MCC: variants seen among roughly 807,000 people sequenced by gnomAD.
MCC encodes MCC regulator of Wnt signaling pathway.
Under a neutral mutation model 116.2 loss-of-function variants are expected in MCC, and 90 were observed. The observed-to-expected ratio is 0.77, with a 90% CI of 0.65 to 0.92. The LOEUF is 0.92. MCC is among the 40% of genes least tolerant of loss of function. MCC has a pLI of 0.00. For missense variants in MCC, 1,516 were observed against 1,312.2 expected (o/e 1.16, Z -2.40); for synonymous variants, 578 against 510.5 (o/e 1.13, Z -1.78).
chr5:113,344,342 T>C (rs918899540), intron 2 of MCC, among the ~76,000 whole-genome samples: 3 of 152,094 alleles, frequency 2.0e-5, no homozygotes, highest in African/African-American at 7.2e-5. Flanking sequence ...CTAGGTAAAC[T>C]TGAAAGGCAG....
chr5:113,478,722 G>A (rs529378120), intron 1 of MCC, among the ~76,000 whole-genome samples: 1 of 152,260 alleles, frequency 6.6e-6, no homozygotes, highest in African/African-American at 2.4e-5. Context: ...GGAAGCTCTG[G>A]GCTTTAAGGG....
chr5:113,409,364 T>G (rs1769917790), intron 1 of MCC, among the ~76,000 whole-genome samples: 1 of 152,284 alleles, frequency 6.6e-6, no homozygotes, highest in African/African-American at 2.4e-5. Context: ...AAATACTTTT[T>G]TTTTTTAGAC....
At position 113,123,447 on chromosome 5, in the gene MCC, C is replaced by A. The variant is rs1312983838; in HGVS notation, c.885-621G>T. Among the ~76,000 whole-genome samples the A allele has an allele frequency of 2.0e-5, 3 of 152,210 alleles. No homozygotes were observed. In the East Asian group the frequency reaches 5.8e-4, roughly 29 times the overall value. Reference sequence around the variant, plus strand: ...GATGCAATGAGGAGAAAACAGAACACTGAATGAGAGAACACCATTCAATGG... The same window carrying A: ...GATGCAATGAGGAGAAAACAGAACAATGAATGAGAGAACACCATTCAATGG... On this transcript the variant is annotated intron_variant, in intron 5 of 18. Coordinates refer to ENST00000408903, the MANE Select transcript of MCC (RefSeq NM_001085377.2).
intron 1 of MCC, among the ~76,000 whole-genome samples, chr5:113,487,514 CG>C (rs1396868302): frequency 1.3e-5 from 2 of 152,228 alleles, no homozygotes; most frequent in Non-Finnish European, 2.9e-5. Context: ...GTAGGAAGTG[CG>C]GGGGATCCGA....
At chr5:113,289,729 T>A (rs1047379837) in intron 3 of MCC, among the ~76,000 whole-genome samples, 13 of 152,336 alleles carry the variant, frequency 8.5e-5, no homozygotes, top group Admixed American at 5.9e-4. Context: ...TGGAAGTAGA[T>A]CCTCTTGCTC....
chr5:113,200,093 G>A (rs1175377345), intron 3 of MCC, among the ~76,000 whole-genome samples: 1 of 152,162 alleles, frequency 6.6e-6, no homozygotes, highest in Admixed American at 6.5e-5. Flanking sequence ...GACAAGGTAA[G>A]TTTTAATGTG....
chr5:113,413,200 G>A lies in MCC; in HGVS notation c.171-27988C>T, dbSNP rs555461172. On this transcript the variant is annotated intron_variant, in intron 1 of 18. Coordinates refer to ENST00000408903, the MANE Select transcript of MCC (RefSeq NM_001085377.2). Reference sequence around the variant, plus strand: ...GTATTTTATTGAGGATTTTTGCATCGATGTTCATCAAGGATATTGGTCTAA... The same window carrying A: ...GTATTTTATTGAGGATTTTTGCATCAATGTTCATCAAGGATATTGGTCTAA... 7.3e-3 allele frequency among the ~76,000 whole-genome samples: 1,102 copies of A among 151,934 alleles called. 9 individuals carry two copies. Among genetic ancestry groups the A allele is most frequent in the African/African-American group, 0.023 (967 of 41,468 alleles).
intron 3 of MCC, among the ~76,000 whole-genome samples, chr5:113,322,275 G>A (rs2150371612): frequency 6.6e-6 from 1 of 152,282 alleles, no homozygotes; most frequent in African/African-American, 2.4e-5. Flanking sequence ...AAGTAAATAT[G>A]TAACCATTGC....
At position 113,488,378 on chromosome 5, in the gene MCC, A is replaced by G. The variant is rs766344076; in HGVS notation, c.37T>C (p.Ser13Pro). 1.4e-6 allele frequency: 2 copies of G among 1,432,548 alleles called. No homozygotes were observed. Among genetic ancestry groups the G allele is most frequent in the East Asian group, 3.0e-5 (1 of 32,814 alleles). 88.7% of individuals were successfully genotyped at this position (1,432,548 alleles called of 1,614,324 possible). A position where few individuals can be genotyped will look rare whatever the true frequency, so the allele number is the denominator to read the frequency against. The change falls in exon 1 of 19, where the codon TCC (serine) becomes CCC (proline). Residue 13 changes from serine (S) to proline (P), a missense_variant. Transcript: ENST00000408903. ...AAAAAAAAGS[S>P]SSGGGGGGSG... ...CCGCCGCCGCCGCCGCCGCTGCTGG[A>G]GCTCCCCGCAGCCGCTGCCGCCGCG...
At chr5:113,059,118 G>A (rs1482088952) in intron 14 of MCC, among the ~76,000 whole-genome samples, 1 of 147,076 alleles carries the variant, frequency 6.8e-6, no homozygotes, top group African/African-American at 2.5e-5. Context: ...ACCTTGCTAT[G>A]AGTATAGTTT....
intron 3 of MCC, among the ~76,000 whole-genome samples, chr5:113,166,328 C>T (rs1760764972): frequency 1.3e-5 from 2 of 152,028 alleles, no homozygotes; most frequent in South Asian, 4.2e-4. Context: ...TAAAATTTAC[C>T]CAAACTCTTA....
At chr5:113,265,490 C>A (rs1455329348) in intron 3 of MCC, among the ~76,000 whole-genome samples, 1 of 152,182 alleles carries the variant, frequency 6.6e-6, no homozygotes, top group Non-Finnish European at 1.5e-5. Context: ...ACTCCGCCTT[C>A]TAATAGGTCT....
At position 113,151,973 on chromosome 5, in the gene MCC, G is replaced by C. The variant is rs1210788385; in HGVS notation, c.628-551C>G. Among the ~76,000 whole-genome samples the C allele has an allele frequency of 2.6e-5, 4 of 152,230 alleles. 1 individual carries two copies. Among genetic ancestry groups the C allele is most frequent in the African/African-American group, 9.6e-5 (4 of 41,534 alleles). On this transcript the variant is annotated intron_variant, in intron 3 of 18. Transcript: ENST00000408903. ...GTACAGTTGACCCATTTATTTTCTTGTTGGGTCTTCCCTCCTCTTTGCCTC... is the reference window on the plus strand; with the variant it reads ...GTACAGTTGACCCATTTATTTTCTTCTTGGGTCTTCCCTCCTCTTTGCCTC...
intron 3 of MCC, among the ~76,000 whole-genome samples, chr5:113,286,775 C>T (rs768619431): frequency 6.6e-6 from 1 of 152,206 alleles, no homozygotes; most frequent in Non-Finnish European, 1.5e-5. Flanking sequence ...AAGGTCTTTG[C>T]TGAATTTAAG....
chr5:113,214,762 C>T lies in MCC; in HGVS notation c.628-63340G>A, dbSNP rs116326707. Among the ~76,000 whole-genome samples the T allele has an allele frequency of 6.5e-3, 996 of 152,280 alleles. 4 individuals are homozygous for T. Among genetic ancestry groups the T allele is most frequent in the African/African-American group, 0.013 (552 of 41,544 alleles). On this transcript the variant is annotated intron_variant, in intron 3 of 18. Transcript: ENST00000408903. Reference sequence around the variant, plus strand: ...AGCCATTTTCCACACTGTAGCCAAGCGCACCTTCTAAAGCTCAAGTTTCAT... The same window carrying T: ...AGCCATTTTCCACACTGTAGCCAAGTGCACCTTCTAAAGCTCAAGTTTCAT...
At chr5:113,471,174 T>C (rs564335962) in intron 1 of MCC, among the ~76,000 whole-genome samples, 2 of 152,314 alleles carry the variant, frequency 1.3e-5, no homozygotes, top group African/African-American at 4.8e-5. Flanking sequence ...TTCTCTCAAC[T>C]CGTCAAAGTC....
intron 13 of MCC, among the ~76,000 whole-genome samples, chr5:113,066,473 G>A (rs1035238921): frequency 6.6e-6 from 1 of 152,154 alleles, no homozygotes; most frequent in Admixed American, 6.5e-5. Flanking sequence ...TCTGGGCTGG[G>A]CTGGTAATAC....
intron 6 of MCC, among the ~76,000 whole-genome samples, chr5:113,110,160 G>C (rs1002307622): frequency 2.6e-5 from 4 of 152,154 alleles, no homozygotes; most frequent in Admixed American, 6.5e-5. Context: ...AGGAGACAGA[G>C]AGGAGGCCTT....
At chr5:113,082,275 C>T (rs758328380) in intron 11 of MCC, among the ~76,000 whole-genome samples, 6 of 152,240 alleles carry the variant, frequency 3.9e-5, no homozygotes, top group Non-Finnish European at 7.3e-5. Context: ...AGACTGAGCA[C>T]ATTTGCGAAG....
Sources: gnomAD v4.1 joint callset for allele counts (sites outside exome capture counted in the v4.1 genomes callset) on GRCh38, gnomAD v4.1.1 for gene constraint, MANE v1.5 for transcripts, NCBI Gene and HGNC (gene_info 2026-07-23, HGNC 2026-07-21) for gene names.